The following GFRA3 variants were observed in gnomAD, a reference collection of about 807,000 sequenced individuals.
GFRA3 encodes GDNF family receptor alpha-3.
Under a neutral mutation model 40.0 loss-of-function variants are expected in GFRA3, and 24 were observed. The observed-to-expected ratio is 0.60, with a 90% CI of 0.43 to 0.84. GFRA3 has a LOEUF of 0.84. GFRA3 is among the 40% of genes least tolerant of loss of function. The pLI, the probability that GFRA3 is intolerant of heterozygous loss-of-function variation, is 0.00. For synonymous variants in GFRA3, 203 were observed against 213.5 expected, an observed-to-expected ratio of 0.95 and a Z score of 0.43; for missense variants, 405 against 530.6, an observed-to-expected ratio of 0.76 and a Z score of 2.33.
intron 1 of GFRA3, among the ~76,000 whole-genome samples, chr5:138,272,257 C>T (rs1755887574): frequency 6.6e-6 from 1 of 151,044 alleles, no homozygotes; most frequent in Non-Finnish European, 1.5e-5. Context: ...CTACCCGTCT[C>T]AGCCTCCCAA....
At chr5:138,271,023 G>T (rs1338136080) in intron 1 of GFRA3, among the ~76,000 whole-genome samples, 4 of 151,348 alleles carry the variant, frequency 2.6e-5, no homozygotes, top group African/African-American at 2.4e-5. Flanking sequence ...GTGGAGTTTT[G>T]CTCTTGTTAC....
chr5:138,264,177 T>C, intron 2 of GFRA3, 84 bp downstream of exon 2: 3 of 960,642 alleles, frequency 3.1e-6, no homozygotes, highest in East Asian at 2.4e-5. Context: ...GATTCTACCA[T>C]GTGGCCCATA....
At position 138,252,868 on chromosome 5, in the gene GFRA3, G is replaced by A. The variant is rs768942925; in HGVS notation, c.*100C>T. On this transcript the variant is annotated 3_prime_UTR_variant, in exon 8 of 8. Coordinates refer to ENST00000274721, the MANE Select transcript of GFRA3 (RefSeq NM_001496.4). ...TAGCTTCTCCTGTGCCCTCATCTGC[G>A]CACTGCACCTCCTTCCTGCTGCTGT... 1.2e-5 allele frequency: 8 copies of A among 691,048 alleles called. No individual in the cohort carries two copies. Among genetic ancestry groups the A allele is most frequent in the Admixed American group, 2.3e-5 (1 of 43,256 alleles). The allele number at this position is 691,048 out of a possible 1,614,324, so 42.8% of individuals were successfully genotyped here.
intron 4 of GFRA3, among the ~76,000 whole-genome samples, chr5:138,256,621 C>T (rs1185248500): frequency 2.0e-5 from 3 of 151,066 alleles, no homozygotes; most frequent in Non-Finnish European, 2.9e-5. Context: ...AAGTGTAGGG[C>T]ATCCATACAT....
At chr5:138,268,934 AAAAAAG>A in intron 1 of GFRA3, among the ~76,000 whole-genome samples, 1 of 151,632 alleles carries the variant, frequency 6.6e-6, no homozygotes, top group African/African-American at 2.4e-5. Context: ...CAAAAAAAAA[AAAAAAG>A]AAAAAGAAAA....
chr5:138,270,958 G>A (rs1755859510), intron 1 of GFRA3, among the ~76,000 whole-genome samples: 2 of 152,140 alleles, frequency 1.3e-5, no homozygotes, highest in South Asian at 2.1e-4. Flanking sequence ...AAGAAAAGTG[G>A]CAGATTCAAG....
chr5:138,256,928 C>T (rs991381360), intron 4 of GFRA3, among the ~76,000 whole-genome samples: 9 of 122,490 alleles, frequency 7.3e-5, no homozygotes, highest in African/African-American at 2.9e-4. Context: ...GCCTGGGTGA[C>T]AGAAGGGGAC....
chr5:138,253,929 C>G, intron 5 of GFRA3, 29 bp from the exon 6 acceptor site: 1 of 1,609,300 alleles, frequency 6.2e-7, no homozygotes, highest in Non-Finnish European at 8.5e-7. Flanking sequence ...TAGTCAAGGC[C>G]TAGGCTAACC....
At chr5:138,255,096 AG>A (rs1755608866) in intron 4 of GFRA3, among the ~76,000 whole-genome samples, 2 of 151,038 alleles carry the variant, frequency 1.3e-5, no homozygotes, top group South Asian at 2.1e-4. Context: ...AGAAAGAGAG[AG>A]GAAGGAAAGA....
At chr5:138,264,699 A>C (rs1755757186) in intron 1 of GFRA3, 151 bp from the exon 2 acceptor site, 1 of 600,888 alleles carries the variant, frequency 1.7e-6, no homozygotes, top group African/African-American at 1.9e-5. Context: ...GTGTGGAGAG[A>C]GAGAGAAGCC....
chr5:138,273,719 C>T (rs561939444), intron 1 of GFRA3, among the ~76,000 whole-genome samples: 1 of 152,310 alleles, frequency 6.6e-6, no homozygotes, highest in East Asian at 1.9e-4. Context: ...GGATCCCAGG[C>T]TGTTCTTCCT....
At position 138,264,568 on chromosome 5, in the gene GFRA3, G is replaced by C; in HGVS notation, c.92-20C>G. ...GGTCTCCTGTAAAGGGAGATACCAG[G>C]TGAGGCTACGTAAGATTAGAATAGC... On this transcript the variant is annotated intron_variant, in intron 1 of 7. Coordinates refer to ENST00000274721, the MANE Select transcript of GFRA3 (RefSeq NM_001496.4). The C allele has an allele frequency of 6.5e-7, 1 of 1,540,462 alleles. No individual in the cohort carries two copies. The highest frequency in any genetic ancestry group is 8.9e-7 in the Non-Finnish European group (1 of 1,129,112).
intron 1 of GFRA3, among the ~76,000 whole-genome samples, chr5:138,265,361 C>G (rs533605532): frequency 1.3e-5 from 2 of 152,082 alleles, no homozygotes; most frequent in African/African-American, 4.8e-5. Flanking sequence ...GGATTACAGG[C>G]GTGCGCCATC....
intron 4 of GFRA3, among the ~76,000 whole-genome samples, chr5:138,256,026 G>C (rs1449324349): frequency 1.3e-5 from 2 of 151,470 alleles, no homozygotes; most frequent in Non-Finnish European, 2.9e-5. Flanking sequence ...CCAGGAGTTC[G>C]AGACTAGCCT....
chr5:138,269,550 C>A lies in GFRA3; in HGVS notation c.91+4784G>T, dbSNP rs868011487. Among the ~76,000 whole-genome samples, 352 of 128,588 alleles carry A rather than the reference C, an allele frequency of 2.7e-3. 2 individuals are homozygous for A. The highest frequency in any genetic ancestry group is 8.6e-3 in the African/African-American group (299 of 34,684). The allele number at this position is 128,588 out of a possible 152,430, so 84.4% of individuals were successfully genotyped here. A position where few individuals can be genotyped will look rare whatever the true frequency, so the allele number is the denominator to read the frequency against. Reference sequence around the variant, plus strand: ...AAACTCTGTCTGAAAAAAAAAAAAACAAAAAACAACAAGCCAGACGCAGTG... The same window carrying A: ...AAACTCTGTCTGAAAAAAAAAAAAAAAAAAAACAACAAGCCAGACGCAGTG... On this transcript the variant is annotated intron_variant, in intron 1 of 7. Transcript: ENST00000274721.
intron 1 of GFRA3, chr5:138,267,423 C>T (rs1402723312): frequency 6.6e-6 from 1 of 152,472 alleles, no homozygotes; most frequent in East Asian, 1.9e-4. Flanking sequence ...AACTCCTGGC[C>T]TCATGCGATC....
rs1316069159 is a variant in GFRA3, at chr5:138,269,779, G to A, written c.91+4555C>T. On this transcript the variant is annotated intron_variant, in intron 1 of 7. Transcript: ENST00000274721. Reference sequence around the variant, plus strand: ...AATCGCTTGAACCTGGGAGGCGGAGGTTGCAGTGAGCCGAGATCATGCCAT... The same window carrying A: ...AATCGCTTGAACCTGGGAGGCGGAGATTGCAGTGAGCCGAGATCATGCCAT... 1.3e-5 allele frequency among the ~76,000 whole-genome samples: 2 copies of A among 148,734 alleles called. 1 individual carries two copies. The highest frequency in any genetic ancestry group is 6.5e-3 in the Middle Eastern group (2 of 308).
intron 1 of GFRA3, among the ~76,000 whole-genome samples, chr5:138,270,792 G>A (rs538140069): frequency 4.2e-4 from 63 of 149,740 alleles, no homozygotes; most frequent in Non-Finnish European, 8.8e-4. Flanking sequence ...TGTACAAGAT[G>A]AAAAAAAAAG....
intron 4 of GFRA3, 84 bp from the exon 5 acceptor site, chr5:138,254,244 G>T: frequency 1.2e-6 from 1 of 801,110 alleles, no homozygotes; most frequent in Non-Finnish European, 2.1e-6. Context: ...CTGGAGTGCA[G>T]TAGCTCAATC....
Sources: allele counts gnomAD v4.1 joint callset (sites outside exome capture counted in the v4.1 genomes callset), GRCh38; gene constraint gnomAD v4.1.1; transcripts MANE v1.5; gene names NCBI Gene and HGNC (gene_info 2026-07-23, HGNC 2026-07-21).